Variants in DAB1 observed in about 807,000 individuals in gnomAD.
DAB1 encodes the protein disabled homolog 1.
A neutral mutation model predicts 64.6 loss-of-function variants in DAB1; 15 were observed. That is an observed-to-expected ratio of 0.23 (90% CI 0.16 to 0.36). The LOEUF (loss-of-function observed/expected upper bound fraction) is 0.36. Ranked by LOEUF, DAB1 falls within the 10% of genes least tolerant of loss-of-function variation. The pLI is 1.00. For synonymous variants in DAB1, 235 were observed against 251.9 expected (o/e 0.93, Z 0.64); for missense variants, 596 against 706.7 (o/e 0.84, Z 1.78).
chr1:58,068,537 G>A (rs1330456119), intron 5 of DAB1, among the ~76,000 whole-genome samples: 2 of 152,006 alleles, frequency 1.3e-5, no homozygotes, highest in Non-Finnish European at 2.9e-5. Context: ...GGGCAGAGGC[G>A]GGCGGATCAC....
At chr1:57,244,097 T>A (rs1668693131) in intron 2 of DAB1, among the ~76,000 whole-genome samples, 1 of 152,232 alleles carries the variant, frequency 6.6e-6, no homozygotes, top group Admixed American at 6.5e-5. Context: ...ATATTCTCTT[T>A]TTGTGTATTC....
chr1:57,588,975 C>T (rs1553197570), intron 7 of DAB1, among the ~76,000 whole-genome samples: 2 of 145,720 alleles, frequency 1.4e-5, no homozygotes, highest in South Asian at 4.1e-4. Flanking sequence ...GTGGCTCACG[C>T]CTGTAATCCC....
intron 4 of DAB1, among the ~76,000 whole-genome samples, chr1:58,153,765 T>C (rs1655074045): frequency 6.6e-6 from 1 of 151,132 alleles, no homozygotes; most frequent in South Asian, 2.1e-4. Context: ...TTGCCAGGAC[T>C]GTGGGAGCCT....
At chr1:57,227,676 C>T (rs534387799) in intron 2 of DAB1, among the ~76,000 whole-genome samples, 1 of 152,184 alleles carries the variant, frequency 6.6e-6, no homozygotes, top group South Asian at 2.1e-4. Context: ...TCCACTTCAG[C>T]GTCCCTAGTA....
chr1:58,188,013 A>G (rs926675659), intron 4 of DAB1, among the ~76,000 whole-genome samples: 1 of 151,048 alleles, frequency 6.6e-6, no homozygotes, highest in Admixed American at 6.6e-5. Flanking sequence ...TATTCAAGCG[A>G]TTCTCCTGCC....
chr1:58,057,612 G>A (rs983944341), intron 5 of DAB1, among the ~76,000 whole-genome samples: 1 of 152,198 alleles, frequency 6.6e-6, no homozygotes, highest in Non-Finnish European at 1.5e-5. Context: ...GCTAGCAACT[G>A]CTAGAAGATA....
chr1:58,085,981 T>TTTTTGG, intron 5 of DAB1, among the ~76,000 whole-genome samples: 1 of 145,316 alleles, frequency 6.9e-6, no homozygotes, highest in Non-Finnish European at 1.5e-5. Flanking sequence ...TTTTTTTTTT[T>TTTTTGG]GAGACGGAGT....
chr1:57,568,163 C>A (rs974737322), intron 7 of DAB1, among the ~76,000 whole-genome samples: 1 of 152,130 alleles, frequency 6.6e-6, no homozygotes, highest in African/African-American at 2.4e-5. Context: ...CTGACACAAA[C>A]AAGAAATGGG....
chr1:58,324,516 C>G (rs934689295), intron 4 of DAB1, among the ~76,000 whole-genome samples: 6 of 152,132 alleles, frequency 3.9e-5, no homozygotes, highest in African/African-American at 1.4e-4. Flanking sequence ...AATTGGACCC[C>G]CATCAGGCCA....
chr1:57,371,231 A>C (rs1680470740), intron 1 of DAB1, among the ~76,000 whole-genome samples: 1 of 152,242 alleles, frequency 6.6e-6, no homozygotes, highest in Non-Finnish European at 1.5e-5. Flanking sequence ...GAGGCAAAGT[A>C]AATAGACCTT....
intron 6 of DAB1, among the ~76,000 whole-genome samples, chr1:57,721,985 T>G (rs1018625912): frequency 6.6e-6 from 1 of 152,180 alleles, no homozygotes; most frequent in Non-Finnish European, 1.5e-5. Flanking sequence ...ATTTTATACC[T>G]TAGCCCACTC....
rs989355288 is a variant in DAB1 at position 57,867,273 on chromosome 1, C to T, written n.87+16726G>A. 3.3e-5 allele frequency: 5 copies of T among 152,162 alleles called. 1 individual carries two copies. The highest frequency in any genetic ancestry group is 1.2e-4 in the African/African-American group (5 of 41,434). The allele number at this position is 152,162 out of a possible 1,614,324, so 9.4% of individuals were successfully genotyped here. A position where few individuals can be genotyped will look rare whatever the true frequency, so the allele number is the denominator to read the frequency against. ...ATGGGTTAAAGGGAAGGCCTCGCCT[C>T]TTAGGGAAATATGGGTCTCCCTTTG... On this transcript the variant is annotated intron_variant and non_coding_transcript_variant, in intron 1 of 1. Coordinates refer to the DAB1 transcript ENST00000477280.
At chr1:58,380,153 C>T (rs988469911) in intron 3 of DAB1, among the ~76,000 whole-genome samples, 1 of 152,162 alleles carries the variant, frequency 6.6e-6, no homozygotes, top group Non-Finnish European at 1.5e-5. Context: ...GGCTCTGTGT[C>T]CTCACCCAAA....
intron 6 of DAB1, among the ~76,000 whole-genome samples, chr1:57,785,518 T>A (rs895560584): frequency 2.0e-5 from 3 of 152,134 alleles, no homozygotes; most frequent in African/African-American, 7.2e-5. Flanking sequence ...AATAGGAGTT[T>A]GGAAGAAGTT....
chr1:57,912,538 A>T (rs1192411050), intron 5 of DAB1, among the ~76,000 whole-genome samples: 1 of 152,214 alleles, frequency 6.6e-6, no homozygotes, highest in Admixed American at 6.5e-5. Flanking sequence ...GGCACAAGAC[A>T]GGGATGCCCT....
intron 6 of DAB1, among the ~76,000 whole-genome samples, chr1:57,795,366 CT>C (rs1444791564): frequency 6.6e-6 from 1 of 151,906 alleles, no homozygotes; most frequent in Non-Finnish European, 1.5e-5. Flanking sequence ...CCATAGGGAA[CT>C]AGTATTCTGT....
intron 2 of DAB1, among the ~76,000 whole-genome samples, chr1:58,521,466 A>G (rs1343908808): frequency 6.6e-6 from 1 of 152,104 alleles, no homozygotes; most frequent in Non-Finnish European, 1.5e-5. Context: ...AAACAATTAT[A>G]TAATAGAGAC....
chr1:58,187,729 A>T (rs576198849), intron 4 of DAB1, among the ~76,000 whole-genome samples: 1 of 142,152 alleles, frequency 7.0e-6, no homozygotes, highest in African/African-American at 2.6e-5. Flanking sequence ...ACAGGTGTGC[A>T]CCACCACACC....
At chr1:58,174,821 G>A (rs1656375271) in intron 4 of DAB1, among the ~76,000 whole-genome samples, 1 of 152,142 alleles carries the variant, frequency 6.6e-6, no homozygotes, top group South Asian at 2.1e-4. Flanking sequence ...CTAAAGGATT[G>A]TAAATGCACC....
Sources: gnomAD v4.1 joint callset for allele counts (sites outside exome capture counted in the v4.1 genomes callset) on GRCh38, gnomAD v4.1.1 for gene constraint, MANE v1.5 for transcripts, NCBI Gene and HGNC (gene_info 2026-07-23, HGNC 2026-07-21) for gene names.